The following COL16A1 variants were observed in gnomAD, a reference collection of about 807,000 sequenced individuals.
The protein encoded by COL16A1 is collagen alpha-1(XVI) chain.
A neutral mutation model predicts 266.3 loss-of-function variants in COL16A1; 189 were observed. The ratio of observed to expected loss-of-function variants is 0.71; its 90% CI spans 0.63 to 0.80. The LOEUF (loss-of-function observed/expected upper bound fraction) is 0.80. COL16A1 is among the 30% of genes least tolerant of loss of function. The pLI, the probability that COL16A1 is intolerant of heterozygous loss-of-function variation, is 0.00. For missense variants in COL16A1, 1,928 were observed against 2,122.4 expected (o/e 0.91, Z 1.80); for synonymous variants, 740 against 782.3 (o/e 0.95, Z 0.90).
At chr1:31,672,383 C>A in intron 47 of COL16A1, 33 bp downstream of exon 47, 2 of 1,612,714 alleles carry the variant, frequency 1.2e-6, no homozygotes, top group Non-Finnish European at 1.7e-6. Flanking sequence ...GGCCCCAGCT[C>A]CCTTGAGGAT....
At chr1:31,691,860 T>C in intron 17 of COL16A1, 145 bp downstream of exon 17, 1 of 1,376,852 alleles carries the variant, frequency 7.3e-7, no homozygotes, top group Admixed American at 1.8e-5. Flanking sequence ...TCCTTTTCTG[T>C]CCCCTTCTTG....
At position 31,670,567 on chromosome 1, in the gene COL16A1, G is replaced by T. The variant is rs2292990; in HGVS notation, c.3195+35C>A. On this transcript the variant is annotated intron_variant, in intron 49 of 70. Coordinates refer to ENST00000373672, the MANE Select transcript of COL16A1 (RefSeq NM_001856.4). This position sits in a 1 kb window ranked among gnomAD's most constrained non-coding sequence, Gnocchi z 4.5. ...AAAGCCACAGAGACCTGGCTGACGG[G>T]GGGGAGGGGAGGTCGAGCAGCGCTA... is the stretch of plus-strand genomic sequence containing the variant. 0.35 allele frequency: 474,567 copies of T among 1,348,266 alleles called. 85,680 individuals are homozygous for T. Among genetic ancestry groups the T allele is most frequent in the East Asian group, 0.62 (19,926 of 32,018 alleles). 83.5% of individuals were successfully genotyped at this position (1,348,266 alleles called of 1,614,324 possible). A position where few individuals can be genotyped will look rare whatever the true frequency, so the allele number is the denominator to read the frequency against.
chr1:31,665,744 A>G, intron 54 of COL16A1, 126 bp from the exon 55 acceptor site: 1 of 1,593,600 alleles, frequency 6.3e-7, no homozygotes, highest in Non-Finnish European at 8.6e-7. Context: ...TCTGCCCACC[A>G]TGGCTGGCAG....
chr1:31,680,105 A>C lies in COL16A1; in HGVS notation c.2611-4T>G. ...AGGAGCACTCCCCTGGCTCACCCTG[A>C]AAATACAAGAGCCTTTGTGAGACAT... On this transcript the variant is annotated splice_region_variant and splice_polypyrimidine_tract_variant and intron_variant, in intron 39 of 70. Coordinates refer to ENST00000373672, the MANE Select transcript of COL16A1 (RefSeq NM_001856.4). The C allele has an allele frequency of 6.2e-7, 1 of 1,612,936 alleles. No homozygotes were observed. Among genetic ancestry groups the C allele is most frequent in the Non-Finnish European group, 8.5e-7 (1 of 1,179,496 alleles).
chr1:31,700,173 C>A (rs1414602939), intron 2 of COL16A1, 58 bp from the exon 3 acceptor site: 1 of 1,548,542 alleles, frequency 6.5e-7, no homozygotes, highest in Non-Finnish European at 8.9e-7. Flanking sequence ...TGCTGCACGG[C>A]TGGACGCCTG....
chr1:31,683,680 C>T (rs1303072218), intron 34 of COL16A1, 27 bp downstream of exon 34: 7 of 1,614,056 alleles, frequency 4.3e-6, no homozygotes, highest in Non-Finnish European at 2.5e-6. Context: ...GCTGAGAGGA[C>T]AGGCAAAGGC....
chr1:31,658,013 A>G (rs1277578045), intron 64 of COL16A1, among the ~76,000 whole-genome samples: 1 of 152,216 alleles, frequency 6.6e-6, no homozygotes. Context: ...TTAAGATAAA[A>G]TGCACAGCAA....
chr1:31,660,651 G>GA lies in COL16A1; in HGVS notation c.3826-14dup. On this transcript the variant is annotated splice_polypyrimidine_tract_variant and intron_variant, in intron 61 of 70. Coordinates refer to ENST00000373672, the MANE Select transcript of COL16A1 (RefSeq NM_001856.4). Reference sequence around the variant, plus strand: ...CACCAGGTTCACCCTGCAGGAGCCAGAAAAAGGAAAAAATGACACTGAAAC... The same window carrying GA: ...CACCAGGTTCACCCTGCAGGAGCCAGAAAAAAGGAAAAAATGACACTGAAAC... 3.7e-6 allele frequency: 6 copies of GA among 1,613,158 alleles called. No homozygotes were observed. The highest frequency in any genetic ancestry group is 5.1e-6 in the Non-Finnish European group (6 of 1,179,656).
intron 42 of COL16A1, among the ~76,000 whole-genome samples, chr1:31,678,194 C>T (rs1553164553): frequency 6.9e-6 from 1 of 144,916 alleles, no homozygotes; most frequent in Non-Finnish European, 1.5e-5. Context: ...GCCAGGGTGG[C>T]GGGGGTGGGG....
rs1642395616 is a variant in COL16A1, at chr1:31,668,946, C to T, written c.3196-91G>A. 1 of 1,156,886 alleles carries T rather than the reference C, an allele frequency of 8.6e-7. No homozygotes were observed. The highest frequency in any genetic ancestry group is 2.4e-5 in the East Asian group (1 of 41,144). The allele number at this position is 1,156,886 out of a possible 1,614,324, so 71.7% of individuals were successfully genotyped here. A position where few individuals can be genotyped will look rare whatever the true frequency, so the allele number is the denominator to read the frequency against. Reference sequence around the variant, plus strand: ...CCCCTGCCCCACTGCCTTCTGTTCCCACTCCAGGCAAATATGGAGGCCATA... The same window carrying T: ...CCCCTGCCCCACTGCCTTCTGTTCCTACTCCAGGCAAATATGGAGGCCATA... On this transcript the variant is annotated intron_variant, in intron 49 of 70. Transcript: ENST00000373672. This position sits in a 1 kb window ranked among gnomAD's most constrained non-coding sequence, Gnocchi z 5.8.
Position 31,672,508 on chromosome 1 carries a change from G to A in COL16A1, c.3019-6C>T, listed in dbSNP as rs1434581144. On this transcript the variant is annotated splice_region_variant and splice_polypyrimidine_tract_variant and intron_variant, in intron 46 of 70. Transcript: ENST00000373672. ...TCTCCCTCACTGTTGTCACCCTGGA[G>A]AAGGATGGAGACGGTGATAGTGAGC... is the stretch of plus-strand genomic sequence containing the variant. The A allele has an allele frequency of 6.2e-7, 1 of 1,614,168 alleles. No homozygotes were observed. Among genetic ancestry groups the A allele is most frequent in the African/African-American group, 1.3e-5 (1 of 75,056 alleles).
intron 23 of COL16A1, 86 bp downstream of exon 23, chr1:31,689,655 C>T: frequency 9.2e-7 from 1 of 1,085,392 alleles, no homozygotes. Context: ...TACCCAGCCC[C>T]TCTGCCCAAT....
Position 31,668,191 on chromosome 1 carries a change from C to G in COL16A1, c.3277G>C (p.Gly1093Arg), listed in dbSNP as rs1249297732. 6.2e-7 allele frequency: 1 copy of G among 1,613,066 alleles called. No homozygotes were observed. The highest frequency in any genetic ancestry group is 2.2e-5 in the East Asian group (1 of 44,846). ...GGCAGTCCTGGGGGGCCCGTGGCAC[C>G]TGGGTAACCTGGTTGCCCTGGAGGA... ...PGPPGQPGYP[G>R]ATGPPGLPGI... is the part of the protein sequence containing the mutation. Residue 1093 changes from glycine to arginine, a missense_variant, in exon 51 of 71, where the codon GGT becomes CGT. Physicochemically the swap from Gly to Arg is moderately radical, Grantham distance 125. This residue lies in a region of COL16A1 where 1,552 missense variants were observed against 1,637.2 expected (regional missense o/e 0.95). Transcript: ENST00000373672. This position sits in a 1 kb window ranked among gnomAD's most constrained non-coding sequence, Gnocchi z 5.8.
At chr1:31,654,963 C>T in intron 67 of COL16A1, 105 bp from the exon 68 acceptor site, 2 of 1,319,582 alleles carry the variant, frequency 1.5e-6, no homozygotes, top group Non-Finnish European at 2.0e-6. Context: ...AGGAGCCTCC[C>T]ACAGATTCTT....
At chr1:31,686,008 C>T (rs1327629077) in intron 28 of COL16A1, 83 bp downstream of exon 28, 1 of 1,583,666 alleles carries the variant, frequency 6.3e-7, no homozygotes, top group African/African-American at 1.3e-5. Context: ...CAAGGAGCCC[C>T]AGAGGGTTCG....
At chr1:31,683,873 C>T (rs2148769134) in intron 33 of COL16A1, 77 bp downstream of exon 33, 2 of 1,608,764 alleles carry the variant, frequency 1.2e-6, no homozygotes, top group Non-Finnish European at 1.7e-6. Flanking sequence ...ACTCCAGGCC[C>T]ACTGCCCCCA....
rs374041800 is a variant in COL16A1, at chr1:31,671,604, C to A, written c.3150+11G>T. On this transcript the variant is annotated intron_variant, in intron 48 of 70. Coordinates refer to ENST00000373672, the MANE Select transcript of COL16A1 (RefSeq NM_001856.4). ...GCTTCTCAAGCAGACCAGGGCACCA[C>A]TGATACTTACGATAGGGCCTGGAGG... 7.8e-5 allele frequency: 126 copies of A among 1,613,940 alleles called. 1 individual carries two copies. The highest frequency in any genetic ancestry group is 6.8e-6 in the Non-Finnish European group (8 of 1,180,008).
At chr1:31,679,727 G>C (rs1416580835) in intron 41 of COL16A1, 42 bp from the exon 42 acceptor site, 2 of 1,612,178 alleles carry the variant, frequency 1.2e-6, no homozygotes, top group Non-Finnish European at 1.7e-6. Flanking sequence ...AGAGAGCTCT[G>C]CCCCATGGCC....
chr1:31,698,520 T>C lies in COL16A1; in HGVS notation c.353A>G (p.Tyr118Cys). Residue 118 changes from tyrosine (Y) to cysteine (C), a missense_variant, in exon 5 of 71, where the codon TAT becomes TGT. Physicochemically the swap from Tyr to Cys is radical, Grantham distance 194. Around this residue, in one of 2 missense-constraint regions of COL16A1, gnomAD observed 1,552 missense variants for 1,637.2 expected, o/e 0.95. Coordinates refer to ENST00000373672, the MANE Select transcript of COL16A1 (RefSeq NM_001856.4). This position sits in a 1 kb window ranked among gnomAD's most constrained non-coding sequence, Gnocchi z 4.1. ...LKKHTHQKTW[Y>C]LFQVTDANGY... is the part of the protein sequence containing the mutation. ...ATTTGCATCGGTCACTTGAAACAGA[T>C]ACCACGTCTTCTGGTGGGTGTGTTT... The C allele has an allele frequency of 6.2e-7, 1 of 1,614,114 alleles. No homozygotes were observed. The highest frequency in any genetic ancestry group is 8.5e-7 in the Non-Finnish European group (1 of 1,180,002).
Sources: gnomAD v4.1 joint callset for allele counts (sites outside exome capture counted in the v4.1 genomes callset) on GRCh38, gnomAD v4.1.1 for gene constraint, gnomAD v4.1.1 regional missense constraint, Gnocchi (gnomAD v3.1) non-coding constraint, MANE v1.5 for transcripts, NCBI Gene and HGNC (gene_info 2026-07-23, HGNC 2026-07-21) for gene names.